Variants in XPO7 observed in about 807,000 individuals in gnomAD.
XPO7 encodes the protein exportin 7, also known as exportin-7.
XPO7 carries 21 observed loss-of-function variants against 144.3 expected under a neutral mutation model. The observed-to-expected ratio is 0.15, with a 90% CI of 0.10 to 0.21. The LOEUF is 0.21. XPO7 is among the 10% of genes least tolerant of loss of function. The pLI, the probability that XPO7 is intolerant of heterozygous loss-of-function variation, is 1.00. For missense variants in XPO7, 808 were observed against 1,325.8 expected (o/e 0.61, Z 6.06); for synonymous variants, 580 against 499.6 (o/e 1.16, Z -2.15).
intron 8 of XPO7, 43 bp from the exon 9 acceptor site, chr8:21,980,041 C>T (rs1812353275): frequency 3.3e-6 from 5 of 1,516,352 alleles, no homozygotes; most frequent in Non-Finnish European, 3.5e-6. Flanking sequence ...AGTAACTGTA[C>T]AGTCTTTTTA....
chr8:21,950,367 G>C (rs1811326884), intron 1 of XPO7, among the ~76,000 whole-genome samples: 1 of 152,136 alleles, frequency 6.6e-6, no homozygotes, highest in South Asian at 2.1e-4. Flanking sequence ...CCATTCATTG[G>C]TGGACTATTT....
chr8:22,003,189 A>G (rs1563341416), intron 25 of XPO7, 30 bp from the exon 26 acceptor site: 2 of 1,566,930 alleles, frequency 1.3e-6, no homozygotes, highest in Non-Finnish European at 1.7e-6. Flanking sequence ...ACATTAGGTC[A>G]CTGCCTGAAA....
At chr8:21,927,577 C>G (rs1554510330) in intron 1 of XPO7, among the ~76,000 whole-genome samples, 2 of 128,478 alleles carry the variant, frequency 1.6e-5, no homozygotes, top group African/African-American at 6.0e-5. Flanking sequence ...TGGAGTTTTG[C>G]TCTTGTTGCC....
At position 22,003,105 on chromosome 8, in the gene XPO7, A is replaced by G. The variant is rs552353090; in HGVS notation, c.2944-114A>G. ...GCTTCACAAACTATTTGTCTGATTT[A>G]CCCTATACAGAAAAGGCCTTCAGCC... is the stretch of plus-strand genomic sequence containing the variant. On this transcript the variant is annotated intron_variant, in intron 25 of 27. Transcript: ENST00000252512. The G allele has an allele frequency of 9.0e-5, 58 of 642,760 alleles. No individual in the cohort carries two copies. In the South Asian group the frequency reaches 1.1e-3, roughly 13 times the overall value. 39.8% of individuals were successfully genotyped at this position (642,760 alleles called of 1,614,324 possible). A position where few individuals can be genotyped will look rare whatever the true frequency, so the allele number is the denominator to read the frequency against.
intron 19 of XPO7, among the ~76,000 whole-genome samples, chr8:21,993,579 TGA>T (rs1812837148): frequency 6.6e-6 from 1 of 152,170 alleles, no homozygotes; most frequent in Non-Finnish European, 1.5e-5. Flanking sequence ...AAAGTTTTAT[TGA>T]GAGAGTGAGT....
intron 7 of XPO7, among the ~76,000 whole-genome samples, chr8:21,976,988 G>C (rs544443555): frequency 6.6e-6 from 1 of 152,294 alleles, no homozygotes; most frequent in Admixed American, 6.5e-5. Flanking sequence ...TGTTGGGGAG[G>C]TTGTTGGAGT....
rs919162107 is a variant in XPO7 at position 22,000,946 on chromosome 8, T to C, written c.2783-1166T>C. On this transcript the variant is annotated intron_variant, in intron 24 of 27. Transcript: ENST00000252512. ...TGATACACATTTACTTCTATCAGTC[T>C]ATCAGGGTGCATAGCCGTATCTAGT... Among the ~76,000 whole-genome samples, 3 of 152,194 alleles carry C rather than the reference T, an allele frequency of 2.0e-5. No homozygotes were observed. The East Asian group carries it at 5.8e-4, about 29-fold the overall frequency.
chr8:21,925,200 C>T (rs1037145654), intron 1 of XPO7, among the ~76,000 whole-genome samples: 3 of 152,188 alleles, frequency 2.0e-5, no homozygotes, highest in African/African-American at 7.2e-5. Context: ...GGAGGCATAT[C>T]AAAATCTTGG....
intron 26 of XPO7, among the ~76,000 whole-genome samples, chr8:22,003,667 T>C (rs1813228971): frequency 6.6e-6 from 1 of 152,170 alleles, no homozygotes. Flanking sequence ...AAAAGAAAGG[T>C]CTGGATAAGA....
At chr8:21,966,256 T>C in intron 1 of XPO7, 1 of 779,034 alleles carries the variant, frequency 1.3e-6, no homozygotes. Context: ...AGTAAGAGTT[T>C]AAAGTGCAAC....
chr8:21,983,647 T>C (rs142373629), intron 11 of XPO7, among the ~76,000 whole-genome samples: 28 of 152,284 alleles, frequency 1.8e-4, no homozygotes, highest in African/African-American at 6.5e-4. Context: ...TGAGGCATTG[T>C]TGGGGAGTGG....
intron 1 of XPO7, among the ~76,000 whole-genome samples, chr8:21,954,472 A>G (rs1811471296): frequency 6.6e-6 from 1 of 152,124 alleles, no homozygotes; most frequent in African/African-American, 2.4e-5. Flanking sequence ...CATCTCTACT[A>G]AAAATTCAAA....
intron 1 of XPO7, among the ~76,000 whole-genome samples, chr8:21,960,259 C>T (rs916296068): frequency 3.3e-5 from 5 of 152,102 alleles, no homozygotes; most frequent in African/African-American, 1.2e-4. Context: ...CAGTGCAAGA[C>T]AAAAACCAAA....
intron 1 of XPO7, among the ~76,000 whole-genome samples, chr8:21,946,640 A>ATTTT (rs61593432): frequency 1.6e-5 from 2 of 122,666 alleles, no homozygotes; most frequent in African/African-American, 3.1e-5. Context: ...GCAAAACAGG[A>ATTTT]TTTTTTTTTT....
chr8:21,976,183 A>G (rs1460034514), intron 6 of XPO7, among the ~76,000 whole-genome samples, 173 bp from the exon 7 acceptor site: 1 of 152,218 alleles, frequency 6.6e-6, no homozygotes, highest in Admixed American at 6.5e-5. Flanking sequence ...ATAAGGAGCT[A>G]GGTATTTTCA....
intron 1 of XPO7, among the ~76,000 whole-genome samples, chr8:21,956,898 T>C (rs1460719077): frequency 6.6e-6 from 1 of 152,212 alleles, no homozygotes; most frequent in Non-Finnish European, 1.5e-5. Context: ...CTATCTTCCA[T>C]GTTAAAGGCT....
intron 5 of XPO7, among the ~76,000 whole-genome samples, chr8:21,972,366 C>T (rs769377232): frequency 2.2e-4 from 34 of 152,058 alleles, no homozygotes; most frequent in Non-Finnish European, 3.1e-4. Context: ...GTAGTCCCAG[C>T]GACTTGGGAG....
chr8:21,971,574 C>G (rs559992074), intron 4 of XPO7, among the ~76,000 whole-genome samples: 108 of 152,066 alleles, frequency 7.1e-4, no homozygotes, highest in African/African-American at 2.5e-3. Context: ...TTGTCATTTA[C>G]TTTAGTGATG....
chr8:21,971,035 T>A (rs891131067), intron 4 of XPO7, among the ~76,000 whole-genome samples: 5 of 150,952 alleles, frequency 3.3e-5, no homozygotes, highest in South Asian at 2.1e-4. Flanking sequence ...TGTAGCTTTT[T>A]AAAAAAAAAA....
Sources: allele counts gnomAD v4.1 joint callset (sites outside exome capture counted in the v4.1 genomes callset), GRCh38; gene constraint gnomAD v4.1.1; transcripts MANE v1.5; gene names NCBI Gene and HGNC (gene_info 2026-07-23, HGNC 2026-07-21).